The following DCLK2 variants were observed in gnomAD, a reference collection of about 807,000 sequenced individuals.
The protein encoded by DCLK2 is doublecortin like kinase 2.
A neutral mutation model predicts 78.4 loss-of-function variants in DCLK2; 31 were observed. The ratio of observed to expected loss-of-function variants is 0.40; its 90% CI spans 0.30 to 0.53. The LOEUF (loss-of-function observed/expected upper bound fraction) is 0.53. DCLK2 is among the 20% of genes least tolerant of loss of function. DCLK2 has a pLI of 0.61. For missense variants in DCLK2, 872 were observed against 973.7 expected (o/e 0.90, Z 1.39); for synonymous variants, 407 against 374.9 (o/e 1.09, Z -0.99).
intron 2 of DCLK2, among the ~76,000 whole-genome samples, chr4:150,141,811 G>A (rs1448730065): frequency 2.0e-5 from 3 of 152,100 alleles, no homozygotes; most frequent in Non-Finnish European, 4.4e-5. Flanking sequence ...TTGTTTGTGT[G>A]GTTTGTTAAC....
chr4:150,091,432 G>A (rs1020488398), intron 1 of DCLK2, among the ~76,000 whole-genome samples: 6 of 152,102 alleles, frequency 3.9e-5, no homozygotes, highest in African/African-American at 1.2e-4. Flanking sequence ...TTAAGTATGT[G>A]TGTGTGTATC....
chr4:150,233,955 C>G (rs1288151968), intron 10 of DCLK2, among the ~76,000 whole-genome samples: 1 of 152,198 alleles, frequency 6.6e-6, no homozygotes, highest in East Asian at 1.9e-4. Flanking sequence ...CACAAACACA[C>G]ATGACATAGT....
Position 150,232,720 on chromosome 4 carries a change from G to A in DCLK2, c.1458G>A (p.Lys486=), listed in dbSNP as rs956941542. Residue 486 remains lysine (K), a synonymous_variant, in exon 10 of 16, where the codon AAG becomes AAA. Transcript: ENST00000296550. ...DLFDAITSST[K]YTERDGSAMV... ...TTGATGCAATTACTTCGTCGACCAAGTACACTGAGAGAGATGGCAGTGCCA... is the reference window on the plus strand; with the variant it reads ...TTGATGCAATTACTTCGTCGACCAAATACACTGAGAGAGATGGCAGTGCCA... 3 of 1,613,928 alleles carry A rather than the reference G, an allele frequency of 1.9e-6. No individual in the cohort carries two copies. In the African/African-American group the frequency reaches 4.0e-5, roughly 22 times the overall value.
In DCLK2 at chr4:150,211,036, C is replaced by T. The variant is rs115676065; in HGVS notation, c.1056+7147C>T. 5.7e-3 allele frequency among the ~76,000 whole-genome samples: 858 copies of T among 151,834 alleles called. 8 individuals are homozygous for T. Among genetic ancestry groups the T allele is most frequent in the African/African-American group, 0.02 (829 of 41,380 alleles). The stretch of plus-strand genomic sequence containing the variant: ...GAAGTAGAAAATTTATTTTCACACA[C>T]AGTTTTTACGGGTCAGAAATTCAGG... On this transcript the variant is annotated intron_variant, in intron 5 of 15. Coordinates refer to ENST00000296550, the MANE Select transcript of DCLK2 (RefSeq NM_001040260.4).
intron 12 of DCLK2, among the ~76,000 whole-genome samples, chr4:150,246,160 C>G (rs1363521572): frequency 6.6e-6 from 1 of 151,944 alleles, no homozygotes; most frequent in Non-Finnish European, 1.5e-5. Context: ...TTCTCCTGCC[C>G]CAGCCTCCTG....
intron 2 of DCLK2, among the ~76,000 whole-genome samples, chr4:150,188,534 G>A (rs959221283): frequency 1.3e-5 from 2 of 152,056 alleles, no homozygotes; most frequent in Non-Finnish European, 2.9e-5. Context: ...TCAGAGGGAG[G>A]CAGACATCTT....
At chr4:150,215,567 G>C (rs1175243648) in intron 5 of DCLK2, among the ~76,000 whole-genome samples, 2 of 152,174 alleles carry the variant, frequency 1.3e-5, no homozygotes, top group Non-Finnish European at 2.9e-5. Context: ...CATAGGGCGA[G>C]GTATGGGGGA....
At chr4:150,249,229 A>G (rs1196544737) in intron 14 of DCLK2, among the ~76,000 whole-genome samples, 1 of 152,120 alleles carries the variant, frequency 6.6e-6, no homozygotes, top group Admixed American at 6.5e-5. Flanking sequence ...TGATGCTTCC[A>G]TGGGAGGGAT....
chr4:150,199,983 A>C (rs1241314412), intron 4 of DCLK2, among the ~76,000 whole-genome samples: 2 of 152,122 alleles, frequency 1.3e-5, no homozygotes, highest in Non-Finnish European at 2.9e-5. Flanking sequence ...TAGCCACTGC[A>C]CTCTAGCCTG....
chr4:150,230,109 A>C (rs1243228707), intron 8 of DCLK2, among the ~76,000 whole-genome samples: 3 of 152,222 alleles, frequency 2.0e-5, no homozygotes, highest in Admixed American at 2.0e-4. Flanking sequence ...TGTTTTAACA[A>C]AAACATTCAC....
At chr4:150,090,504 C>T (rs1729982482) in intron 1 of DCLK2, among the ~76,000 whole-genome samples, 2 of 90,052 alleles carry the variant, frequency 2.2e-5, no homozygotes, top group East Asian at 3.9e-4. Context: ...ATATTCTTGG[C>T]CCCATGTATG....
chr4:150,148,804 G>A (rs866672415), intron 2 of DCLK2, among the ~76,000 whole-genome samples: 13 of 151,966 alleles, frequency 8.6e-5, no homozygotes, highest in African/African-American at 2.9e-4. Flanking sequence ...AGGGCAAGGC[G>A]GGCAGATCAC....
chr4:150,122,924 A>G (rs994963316), intron 2 of DCLK2, among the ~76,000 whole-genome samples: 1 of 152,172 alleles, frequency 6.6e-6, no homozygotes, highest in South Asian at 2.1e-4. Context: ...AGCTTCCAGC[A>G]TTTCTTCTGT....
chr4:150,194,299 T>C (rs2126384088), intron 3 of DCLK2, among the ~76,000 whole-genome samples: 1 of 152,246 alleles, frequency 6.6e-6, no homozygotes, highest in East Asian at 1.9e-4. Context: ...ATAGTCTGGG[T>C]GAGTACTAGG....
chr4:150,249,648 A>G lies in DCLK2; in HGVS notation c.2037A>G (p.Lys679=). ...LKQHFNNALP[K]QNSTTTGVSV... Reference sequence around the variant, plus strand: ...AGCACTTTAATAATGCGCTCCCCAAACAGAACAGCACTACCACCGGGGTCT... The same window carrying G: ...AGCACTTTAATAATGCGCTCCCCAAGCAGAACAGCACTACCACCGGGGTCT... Residue 679 remains lysine (K), a synonymous_variant, in exon 15 of 16, where the codon AAA becomes AAG. Transcript: ENST00000296550. 1 of 1,613,718 alleles carries G rather than the reference A, an allele frequency of 6.2e-7. No individual in the cohort carries two copies. The highest frequency in any genetic ancestry group is 8.5e-7 in the Non-Finnish European group (1 of 1,179,960).
intron 1 of DCLK2, among the ~76,000 whole-genome samples, chr4:150,089,518 T>C (rs1729896147): frequency 6.6e-6 from 1 of 152,242 alleles, no homozygotes; most frequent in South Asian, 2.1e-4. Flanking sequence ...CTCAGTATCC[T>C]TAAGGTTGCA....
At chr4:150,243,022 T>C (rs1743042934) in intron 12 of DCLK2, among the ~76,000 whole-genome samples, 1 of 152,060 alleles carries the variant, frequency 6.6e-6, no homozygotes, top group Admixed American at 6.6e-5. Flanking sequence ...TGGGAAAGGG[T>C]CTTGGGTGAT....
chr4:150,107,378 G>GGTTTTTTTTTTTTTTTT (rs535824608), intron 2 of DCLK2, among the ~76,000 whole-genome samples: 1 of 125,180 alleles, frequency 8.0e-6, no homozygotes, highest in Non-Finnish European at 1.6e-5. Flanking sequence ...TTTGGTTATT[G>GGTTTTTTTTTTTTTTTT]TTTTTTTTTT....
At chr4:150,085,225 A>C (rs1354574721) in intron 1 of DCLK2, among the ~76,000 whole-genome samples, 4 of 152,176 alleles carry the variant, frequency 2.6e-5, no homozygotes, top group African/African-American at 9.7e-5. Context: ...GAGGAAATGG[A>C]GTCCATTCTG....
Sources: gnomAD v4.1 joint callset for allele counts (sites outside exome capture counted in the v4.1 genomes callset) on GRCh38, gnomAD v4.1.1 for gene constraint, MANE v1.5 for transcripts, NCBI Gene and HGNC (gene_info 2026-07-23, HGNC 2026-07-21) for gene names.